Variants in IL20RA observed in about 807,000 individuals in gnomAD.
The protein encoded by IL20RA is interleukin-20 receptor subunit alpha.
IL20RA carries 29 observed loss-of-function variants against 36.5 expected under a neutral mutation model. The ratio of observed to expected loss-of-function variants is 0.79; its 90% CI spans 0.59 to 1.08. IL20RA has a LOEUF of 1.08. Ranked by LOEUF, IL20RA falls within the 50% of genes least tolerant of loss-of-function variation. The pLI, the probability that IL20RA is intolerant of heterozygous loss-of-function variation, is 0.00. For synonymous variants in IL20RA, 279 were observed against 267.1 expected, an observed-to-expected ratio of 1.04 and a Z score of -0.43; for missense variants, 652 against 668.4, an observed-to-expected ratio of 0.98 and a Z score of 0.27.
intron 1 of IL20RA, among the ~76,000 whole-genome samples, chr6:137,017,951 G>A (rs1345936036): frequency 6.6e-6 from 1 of 152,040 alleles, no homozygotes; most frequent in African/African-American, 2.4e-5. Context: ...TAAAGTAAAT[G>A]AAAAAATTCA....
intron 2 of IL20RA, among the ~76,000 whole-genome samples, chr6:137,016,297 T>C (rs1775681823): frequency 1.3e-5 from 2 of 152,334 alleles, no homozygotes; most frequent in South Asian, 4.1e-4. Flanking sequence ...AATCCTTAGA[T>C]TTCCATGCTC....
At chr6:137,034,973 CAT>C (rs1776437868) in intron 1 of IL20RA, among the ~76,000 whole-genome samples, 1 of 149,312 alleles carries the variant, frequency 6.7e-6, no homozygotes, top group Admixed American at 6.7e-5. Context: ...AGAGTGGGAA[CAT>C]GTGGTATTTG....
intron 1 of IL20RA, among the ~76,000 whole-genome samples, chr6:137,036,310 T>C (rs1024246692): frequency 6.6e-6 from 1 of 152,142 alleles, no homozygotes; most frequent in African/African-American, 2.4e-5. Flanking sequence ...TTTGAGGGTA[T>C]GGTAGATGTG....
chr6:137,043,603 C>A (rs756200621), intron 1 of IL20RA, among the ~76,000 whole-genome samples: 3 of 152,108 alleles, frequency 2.0e-5, no homozygotes, highest in Non-Finnish European at 4.4e-5. Flanking sequence ...GATCTGTGTG[C>A]ATACTTTTCT....
intron 1 of IL20RA, among the ~76,000 whole-genome samples, chr6:137,040,257 C>G (rs983965495): frequency 3.3e-5 from 5 of 151,982 alleles, no homozygotes; most frequent in African/African-American, 1.2e-4. Context: ...AACTCACGGT[C>G]TTAAATATAT....
At chr6:137,015,587 G>C (rs1465158807) in intron 2 of IL20RA, among the ~76,000 whole-genome samples, 1 of 152,194 alleles carries the variant, frequency 6.6e-6, no homozygotes, top group Non-Finnish European at 1.5e-5. Flanking sequence ...CCAGCTGTTT[G>C]TTGAACAGGC....
intron 5 of IL20RA, among the ~76,000 whole-genome samples, chr6:137,005,444 C>T (rs901529410): frequency 2.0e-5 from 3 of 152,104 alleles, no homozygotes; most frequent in African/African-American, 7.2e-5. Flanking sequence ...CCTGGGAAAT[C>T]GTTTTAATAA....
In IL20RA at chr6:137,012,075, C is replaced by T. The variant is rs375244690; in HGVS notation, c.225-623G>A. On this transcript the variant is annotated intron_variant, in intron 2 of 6. Transcript: ENST00000316649. ...ATAGGGAGGTGGCAATATTTTCAGC[C>T]CTTTTCAGGTGGGAGAGACTGAAGT... Among the ~76,000 whole-genome samples, 28 of 152,078 alleles carry T rather than the reference C, an allele frequency of 1.8e-4. 2 individuals carry two copies. The highest frequency in any genetic ancestry group is 9.2e-4 in the Admixed American group (14 of 15,290).
chr6:137,008,417 G>T (rs904069822), intron 5 of IL20RA, among the ~76,000 whole-genome samples, 182 bp downstream of exon 5: 7 of 152,178 alleles, frequency 4.6e-5, no homozygotes, highest in Admixed American at 2.6e-4. Flanking sequence ...TCTGAACGTC[G>T]GCCAAGCTCA....
intron 1 of IL20RA, among the ~76,000 whole-genome samples, chr6:137,033,829 T>C (rs1430108880): frequency 6.6e-6 from 1 of 152,226 alleles, no homozygotes; most frequent in Admixed American, 6.5e-5. Flanking sequence ...GCAAAAACTC[T>C]ACTTCCAAAT....
At position 137,000,032 on chromosome 6, in the gene IL20RA, AACTACTTTT is replaced by A. The variant is rs1386242503; in HGVS notation, c.*1517_*1525del. 1.3e-5 allele frequency: 2 copies of A among 152,226 alleles called. No individual in the cohort carries two copies. The highest frequency in any genetic ancestry group is 2.4e-5 in the African/African-American group (1 of 41,454). The allele number at this position is 152,226 out of a possible 1,614,324, so 9.4% of individuals were successfully genotyped here. A position where few individuals can be genotyped will look rare whatever the true frequency, so the allele number is the denominator to read the frequency against. On this transcript the variant is annotated 3_prime_UTR_variant, in exon 7 of 7. Transcript: ENST00000316649. ...AACAATTTATTCTTTCTCACTCTTG[AACTACTTTT>A]ACAGTTAGTGTAATACATCTGTTCT...
intron 6 of IL20RA, among the ~76,000 whole-genome samples, chr6:137,004,187 A>C (rs942252511): frequency 6.4e-5 from 2 of 31,106 alleles, no homozygotes; most frequent in African/African-American, 3.4e-4. Context: ...TTTTTTTTTG[A>C]GACAGAGCCT....
chr6:137,027,857 C>G (rs1582834038), intron 1 of IL20RA, among the ~76,000 whole-genome samples: 3 of 152,154 alleles, frequency 2.0e-5, no homozygotes, highest in Admixed American at 2.0e-4. Flanking sequence ...GCCTGGGATA[C>G]TTACATTTAG....
intron 1 of IL20RA, among the ~76,000 whole-genome samples, chr6:137,031,156 A>G (rs1020140458): frequency 6.6e-6 from 1 of 152,226 alleles, no homozygotes; most frequent in African/African-American, 2.4e-5. Context: ...GTGGACATCA[A>G]AAGACTTAAA....
At chr6:137,012,449 G>A (rs1775533265) in intron 2 of IL20RA, among the ~76,000 whole-genome samples, 1 of 152,152 alleles carries the variant, frequency 6.6e-6, no homozygotes, top group Non-Finnish European at 1.5e-5. Context: ...GGAAATGGAT[G>A]GGGAGGCAGA....
rs150813991 is a variant in IL20RA at position 137,028,460 on chromosome 6, G to C, written c.89-11357C>G. Among the ~76,000 whole-genome samples the C allele has an allele frequency of 6.6e-5, 10 of 150,826 alleles. No homozygotes were observed. The Middle Eastern group carries it at 0.01, about 155-fold the overall frequency. ...GAAATTGACAGAAAGCCCTGCTCTC[G>C]TGGAGGAGATATTTTCTGAGTCTGG... is the stretch of plus-strand genomic sequence containing the variant. On this transcript the variant is annotated intron_variant, in intron 1 of 6. Transcript: ENST00000316649.
intron 1 of IL20RA, among the ~76,000 whole-genome samples, chr6:137,021,059 T>A (rs75894698): frequency 4.5e-5 from 6 of 133,306 alleles, no homozygotes; most frequent in South Asian, 2.5e-4. Context: ...TTTTTTTTTT[T>A]AAATCAGAAC....
intron 1 of IL20RA, among the ~76,000 whole-genome samples, chr6:137,022,348 G>C (rs1250606568): frequency 6.6e-6 from 1 of 152,164 alleles, no homozygotes; most frequent in Non-Finnish European, 1.5e-5. Context: ...GGGATTCCTA[G>C]AAGATTGTGT....
Position 137,001,700 on chromosome 6 carries a change from G to T in IL20RA, c.1520C>A (p.Ser507Tyr), listed in dbSNP as rs1775041788. Reference protein sequence around the residue: ...FDQDSEGCEPSEGDGLGEEGL... With the variant: ...FDQDSEGCEPYEGDGLGEEGL... ...CTCCTCTCCGAGCCCATCCCCCTCA[G>T]AAGGCTCGCAGCCCTCTGAATCCTG... The change falls in exon 7 of 7, where the codon TCT becomes TAT. Residue 507 changes from serine to tyrosine, a missense_variant. Physicochemically the swap from Ser to Tyr is moderately radical, Grantham distance 144 (BLOSUM62 -2). Transcript: ENST00000316649. The T allele has an allele frequency of 6.2e-7, 1 of 1,614,102 alleles. No individual in the cohort carries two copies. Among genetic ancestry groups the T allele is most frequent in the Non-Finnish European group, 8.5e-7 (1 of 1,179,972 alleles).
Sources: gnomAD v4.1 joint callset for allele counts (sites outside exome capture counted in the v4.1 genomes callset) on GRCh38, gnomAD v4.1.1 for gene constraint, MANE v1.5 for transcripts, NCBI Gene and HGNC (gene_info 2026-07-23, HGNC 2026-07-21) for gene names.